The following MPP7 variants were observed in gnomAD, a reference collection of about 807,000 sequenced individuals.
MPP7 encodes MAGUK p55 scaffold protein 7.
In MPP7, 60 loss-of-function variants were observed where a neutral mutation model predicts 76.5. The observed-to-expected ratio is 0.78, with a 90% CI of 0.64 to 0.97. The LOEUF (loss-of-function observed/expected upper bound fraction) is 0.97. Ranked by LOEUF, MPP7 falls within the 50% of genes least tolerant of loss-of-function variation. MPP7 has a pLI of 0.00. For synonymous variants in MPP7, 237 were observed against 244.5 expected, an observed-to-expected ratio of 0.97 and a Z score of 0.29; for missense variants, 641 against 694.0, an observed-to-expected ratio of 0.92 and a Z score of 0.86.
intron 1 of MPP7, among the ~76,000 whole-genome samples, chr10:28,251,891 T>G (rs1312047061): frequency 6.6e-6 from 1 of 152,132 alleles, no homozygotes; most frequent in East Asian, 1.9e-4. Flanking sequence ...GACCCCCATC[T>G]CTAATATATG....
intron 3 of MPP7, among the ~76,000 whole-genome samples, chr10:28,192,813 A>T (rs1056611726): frequency 3.9e-5 from 6 of 152,250 alleles, no homozygotes; most frequent in African/African-American, 1.4e-4. Flanking sequence ...AGAATAGTCA[A>T]CACAGTATCA....
intron 12 of MPP7, among the ~76,000 whole-genome samples, chr10:28,082,679 G>GA (rs149566658): frequency 0.01 from 1,523 of 152,232 alleles, 22 homozygotes; most frequent in African/African-American, 0.035. Context: ...ATGTTGCCCA[G>GA]ACTGGGCTTG....
intron 11 of MPP7, among the ~76,000 whole-genome samples, chr10:28,100,490 T>C (rs1853773880): frequency 6.6e-6 from 1 of 152,174 alleles, no homozygotes; most frequent in Non-Finnish European, 1.5e-5. Flanking sequence ...AGCTTCCGTA[T>C]TGATCTTACA....
chr10:28,236,719 A>T (rs922556553), intron 2 of MPP7: 2 of 152,208 alleles, frequency 1.3e-5, no homozygotes, highest in African/African-American at 4.8e-5. Context: ...CAATCCATGC[A>T]TCTAGGCTGC....
chr10:28,077,339 T>C (rs757671352), intron 12 of MPP7, among the ~76,000 whole-genome samples: 4 of 151,514 alleles, frequency 2.6e-5, no homozygotes, highest in African/African-American at 9.8e-5. Context: ...TAGGTCATCA[T>C]CTTCAAAGGT....
At chr10:28,256,617 T>TA (rs58523066) in intron 1 of MPP7, among the ~76,000 whole-genome samples, 30,960 of 152,106 alleles carry the variant, frequency 0.2, 3,983 homozygotes, top group East Asian at 0.52. Context: ...AAAATTGGAC[T>TA]CGTTTTTAGG....
chr10:28,085,350 T>G (rs1159358558), intron 12 of MPP7, among the ~76,000 whole-genome samples: 1 of 152,156 alleles, frequency 6.6e-6, no homozygotes, highest in Non-Finnish European at 1.5e-5. Context: ...AGGAATACAC[T>G]CATAGCTCTT....
chr10:28,331,277 C>T (rs1834467755), intron 1 of MPP7, among the ~76,000 whole-genome samples: 1 of 152,140 alleles, frequency 6.6e-6, no homozygotes, highest in Non-Finnish European at 1.5e-5. Context: ...TCCTTCTTCT[C>T]TTCCTTTCTA....
At chr10:28,153,146 C>T (rs1358431230) in intron 3 of MPP7, among the ~76,000 whole-genome samples, 1 of 151,948 alleles carries the variant, frequency 6.6e-6, no homozygotes, top group Non-Finnish European at 1.5e-5. Flanking sequence ...CCTAGCTACT[C>T]GGGAGGCTGA....
At position 28,054,261 on chromosome 10, in the gene MPP7, T is replaced by C. The variant is rs769611263; in HGVS notation, c.1552-17A>G. 17 of 1,484,312 alleles carry C rather than the reference T, an allele frequency of 1.1e-5. No homozygotes were observed. In the Admixed American group the frequency reaches 2.0e-4, roughly 18 times the overall value. 91.9% of individuals were successfully genotyped at this position (1,484,312 alleles called of 1,614,324 possible). A position where few individuals can be genotyped will look rare whatever the true frequency, so the allele number is the denominator to read the frequency against. ...ATCTTCTTCCTACAAAAGGAAGTATTAAAAAAATAATTGGTTAACCAGGCC... is the reference window on the plus strand; with the variant it reads ...ATCTTCTTCCTACAAAAGGAAGTATCAAAAAAATAATTGGTTAACCAGGCC... On this transcript the variant is annotated splice_polypyrimidine_tract_variant and intron_variant, in intron 16 of 16. Transcript: ENST00000683449.
intron 1 of MPP7, among the ~76,000 whole-genome samples, chr10:28,272,758 G>A (rs1300153673): frequency 6.6e-6 from 1 of 152,066 alleles, no homozygotes; most frequent in Non-Finnish European, 1.5e-5. Flanking sequence ...AACAGGAGGG[G>A]AAAAGTATAT....
chr10:28,201,269 T>C (rs944204914), intron 3 of MPP7, among the ~76,000 whole-genome samples: 1 of 152,166 alleles, frequency 6.6e-6, no homozygotes, highest in South Asian at 2.1e-4. Context: ...TGAAAAGCAA[T>C]TGCAACTCAG....
chr10:28,311,654 A>G (rs1175630691), intron 2 of MPP7, among the ~76,000 whole-genome samples: 1 of 152,120 alleles, frequency 6.6e-6, no homozygotes, highest in Non-Finnish European at 1.5e-5. Flanking sequence ...AGGCTGAGGT[A>G]GGAGGATTGC....
At chr10:28,240,822 C>T (rs890200619) in intron 1 of MPP7, among the ~76,000 whole-genome samples, 1 of 151,972 alleles carries the variant, frequency 6.6e-6, no homozygotes, top group Non-Finnish European at 1.5e-5. Flanking sequence ...AGAACACAGT[C>T]AATTAGTAGA....
chr10:28,060,246 A>G (rs904788980), intron 13 of MPP7, among the ~76,000 whole-genome samples: 2 of 152,198 alleles, frequency 1.3e-5, no homozygotes, highest in African/African-American at 4.8e-5. Context: ...TGTGCTACTC[A>G]TTCCTCCTTT....
intron 2 of MPP7, among the ~76,000 whole-genome samples, chr10:28,230,438 T>C (rs1838841521): frequency 6.6e-6 from 1 of 151,838 alleles, no homozygotes; most frequent in Admixed American, 6.6e-5. Flanking sequence ...AACTACTCAG[T>C]GCTAACAGAA....
chr10:28,227,779 A>G (rs747536725), intron 2 of MPP7, among the ~76,000 whole-genome samples: 1 of 152,210 alleles, frequency 6.6e-6, no homozygotes, highest in Non-Finnish European at 1.5e-5. Context: ...TGTAATAAAC[A>G]CATGCATGCA....
intron 6 of MPP7, among the ~76,000 whole-genome samples, chr10:28,127,772 G>C (rs183701960): frequency 1.3e-5 from 2 of 152,336 alleles, no homozygotes; most frequent in African/African-American, 4.8e-5. Flanking sequence ...AAACACTGTG[G>C]GGGTGTGAGG....
chr10:28,226,764 C>T (rs1299441790), intron 2 of MPP7, among the ~76,000 whole-genome samples: 2 of 152,100 alleles, frequency 1.3e-5, no homozygotes, highest in Non-Finnish European at 2.9e-5. Context: ...ACATCATTAA[C>T]GGTTACACTC....
Sources: allele counts gnomAD v4.1 joint callset (sites outside exome capture counted in the v4.1 genomes callset), GRCh38; gene constraint gnomAD v4.1.1; transcripts MANE v1.5; gene names NCBI Gene and HGNC (gene_info 2026-07-23, HGNC 2026-07-21).